The following DPYD variants were observed in gnomAD, a reference collection of about 807,000 sequenced individuals.
The protein encoded by DPYD is dihydropyrimidine dehydrogenase [NADP(+)].
DPYD carries 109 observed loss-of-function variants against 116.2 expected under a neutral mutation model. The ratio of observed to expected loss-of-function variants is 0.94; its 90% confidence interval spans 0.80 to 1.10. DPYD has a LOEUF of 1.10. DPYD is among the 50% of genes least tolerant of loss of function. DPYD has a pLI of 0.00. For synonymous variants in DPYD, 440 were observed against 432.0 expected, an observed-to-expected ratio of 1.02 and a Z score of -0.23; for missense variants, 1,302 against 1,254.5, an observed-to-expected ratio of 1.04 and a Z score of -0.57.
chr1:97,512,362 T>C (rs1647863460), intron 13 of DPYD, among the ~76,000 whole-genome samples: 1 of 151,946 alleles, frequency 6.6e-6, no homozygotes, highest in Admixed American at 6.6e-5. Flanking sequence ...TTGAGATATT[T>C]TCATAATTAA....
chr1:97,616,824 A>G (rs1656300079), intron 8 of DPYD, among the ~76,000 whole-genome samples: 1 of 152,196 alleles, frequency 6.6e-6, no homozygotes, highest in South Asian at 2.1e-4. Flanking sequence ...ATATTTCACT[A>G]TTGCATTAAA....
intron 19 of DPYD, among the ~76,000 whole-genome samples, chr1:97,202,867 T>C (rs1242273816): frequency 6.6e-6 from 1 of 152,086 alleles, no homozygotes; most frequent in East Asian, 1.9e-4. Context: ...ACACTAGAGA[T>C]AAAATGGGTG....
intron 3 of DPYD, among the ~76,000 whole-genome samples, chr1:97,804,817 T>G (rs1668007106): frequency 6.6e-6 from 1 of 151,918 alleles, no homozygotes; most frequent in Admixed American, 6.6e-5. Context: ...AGCATTGAAC[T>G]GAGTTGACAG....
chr1:97,268,740 G>C (rs112832457), intron 18 of DPYD, among the ~76,000 whole-genome samples: 2 of 152,212 alleles, frequency 1.3e-5, no homozygotes, highest in East Asian at 3.9e-4. Context: ...CCCCTGTCTA[G>C]AAACCCTGCC....
At chr1:97,160,173 G>T (rs573487200) in intron 20 of DPYD, among the ~76,000 whole-genome samples, 1 of 152,034 alleles carries the variant, frequency 6.6e-6, no homozygotes, top group East Asian at 1.9e-4. Context: ...GGCCTTCCAA[G>T]ATAATTTTAG....
chr1:97,550,590 C>CTA (rs1323547611), intron 11 of DPYD, among the ~76,000 whole-genome samples: 1 of 152,098 alleles, frequency 6.6e-6, no homozygotes, highest in Non-Finnish European at 1.5e-5. Context: ...GGACAACACC[C>CTA]TATTTGATGG....
At chr1:97,243,022 A>G (rs1662479516) in intron 18 of DPYD, among the ~76,000 whole-genome samples, 1 of 151,918 alleles carries the variant, frequency 6.6e-6, no homozygotes, top group Non-Finnish European at 1.5e-5. Context: ...TCTTATTTTT[A>G]TAATTAATTT....
chr1:97,344,539 GTTATT>G (rs1669743838), intron 16 of DPYD, among the ~76,000 whole-genome samples: 1 of 151,124 alleles, frequency 6.6e-6, no homozygotes, highest in South Asian at 2.1e-4. Flanking sequence ...ATGTATTATT[GTTATT>G]TTAACATTCA....
At chr1:97,261,529 T>C (rs1663879785) in intron 18 of DPYD, among the ~76,000 whole-genome samples, 1 of 148,220 alleles carries the variant, frequency 6.7e-6, no homozygotes, top group South Asian at 2.1e-4. Flanking sequence ...AAAAGAACGA[T>C]TTGTGTCTCT....
chr1:97,436,576 A>G (rs1675485894), intron 14 of DPYD, among the ~76,000 whole-genome samples: 1 of 152,002 alleles, frequency 6.6e-6, no homozygotes, highest in Admixed American at 6.6e-5. Flanking sequence ...ATGAAGGGGT[A>G]TTTGAGAAAG....
intron 13 of DPYD, among the ~76,000 whole-genome samples, chr1:97,502,029 T>C (rs1035715245): frequency 6.6e-6 from 1 of 152,018 alleles, no homozygotes; most frequent in African/African-American, 2.4e-5. Context: ...ATTTCATGAC[T>C]TGTAACTAAT....
chr1:97,352,828 C>T (rs1051909811), intron 16 of DPYD, among the ~76,000 whole-genome samples: 26 of 151,900 alleles, frequency 1.7e-4, no homozygotes, highest in African/African-American at 6.3e-4. Flanking sequence ...TACATAACAC[C>T]ATGTAAAAGA....
Position 97,657,606 on chromosome 1 carries a change from T to C in DPYD, c.850+21489A>G, listed in dbSNP as rs553923816. On this transcript the variant is annotated intron_variant, in intron 8 of 22. Coordinates refer to ENST00000370192, the MANE Select transcript of DPYD (RefSeq NM_000110.4). ...AGCAACTGGTTTTATTTTTAATACATTGTGTGTAAATGAACAACCATCCAT... is the reference window on the plus strand; with the variant it reads ...AGCAACTGGTTTTATTTTTAATACACTGTGTGTAAATGAACAACCATCCAT... Among the ~76,000 whole-genome samples, 23 of 152,296 alleles carry C rather than the reference T, an allele frequency of 1.5e-4. No individual in the cohort carries two copies. In the South Asian group the frequency reaches 4.6e-3, roughly 30 times the overall value.
At chr1:97,439,498 C>T (rs1675637661) in intron 14 of DPYD, among the ~76,000 whole-genome samples, 1 of 152,176 alleles carries the variant, frequency 6.6e-6, no homozygotes, top group African/African-American at 2.4e-5. Flanking sequence ...AATTCATTTA[C>T]ATAATGTTGT....
chr1:97,561,658 A>G (rs1394483125), intron 11 of DPYD, among the ~76,000 whole-genome samples: 1 of 152,206 alleles, frequency 6.6e-6, no homozygotes, highest in African/African-American at 2.4e-5. Flanking sequence ...CAATTCTGGA[A>G]TAAAATTCAC....
intron 11 of DPYD, among the ~76,000 whole-genome samples, chr1:97,572,185 A>G (rs1652948483): frequency 6.6e-6 from 1 of 152,024 alleles, no homozygotes; most frequent in Admixed American, 6.6e-5. Flanking sequence ...TACACAGTAA[A>G]TTCTGGAATA....
chr1:97,253,690 G>A (rs1663259064), intron 18 of DPYD, among the ~76,000 whole-genome samples: 1 of 152,048 alleles, frequency 6.6e-6, no homozygotes, highest in Admixed American at 6.6e-5. Context: ...AATACTCCTT[G>A]TAATTAGAGA....
rs773320162 is a variant in DPYD at position 97,450,268 on chromosome 1, A to C, written c.1741-45T>G. ...ATTGAGTCTCCTTTTGACAAAGAAA[A>C]GCTATAATCTTTATTATCTGCTCAT... is the stretch of plus-strand genomic sequence containing the variant. On this transcript the variant is annotated intron_variant, in intron 13 of 22. Coordinates refer to ENST00000370192, the MANE Select transcript of DPYD (RefSeq NM_000110.4). 13 of 1,605,364 alleles carry C rather than the reference A, an allele frequency of 8.1e-6. 1 individual carries two copies. In the South Asian group the frequency reaches 1.4e-4, roughly 18 times the overall value.
At chr1:97,180,656 T>C (rs999642587) in intron 20 of DPYD, among the ~76,000 whole-genome samples, 4 of 152,160 alleles carry the variant, frequency 2.6e-5, no homozygotes, top group African/African-American at 9.6e-5. Flanking sequence ...AGAATTAATC[T>C]GGACAACTTG....
Sources: gnomAD v4.1 joint callset for allele counts (sites outside exome capture counted in the v4.1 genomes callset) on GRCh38, gnomAD v4.1.1 for gene constraint, MANE v1.5 for transcripts, NCBI Gene and HGNC (gene_info 2026-07-23, HGNC 2026-07-21) for gene names.